DMD: variants seen among roughly 807,000 people sequenced by gnomAD.
The protein encoded by DMD is dystrophin.
DMD carries 63 observed loss-of-function variants against 330.1 expected under a neutral mutation model. The ratio of observed to expected loss-of-function variants is 0.19; its 90% CI spans 0.16 to 0.24. The LOEUF (loss-of-function observed/expected upper bound fraction) is 0.24, where lower values mean the gene tolerates loss of function less well. Ranked by LOEUF, DMD falls within the 10% of genes least tolerant of loss-of-function variation. The probability of loss-of-function intolerance (pLI) is 1.00; values close to 1 mark genes in which losing one functional copy is unlikely to be tolerated. For missense variants in DMD, 3,344 were observed against 2,684.1 expected, an observed-to-expected ratio of 1.25 and a Z score of -5.43; for synonymous variants, 1,223 against 959.8, an observed-to-expected ratio of 1.27 and a Z score of -5.07.
At chrX:33,093,743 C>A (rs932554925) in intron 1 of DMD, among the ~76,000 whole-genome samples, 8 of 110,834 alleles carry the variant, frequency 7.2e-5, no homozygotes, top group Non-Finnish European at 1.5e-4. Flanking sequence ...TTATCTAGAA[C>A]CAAACTTTTA....
At chrX:31,335,943 G>A (rs140116324) in intron 61 of DMD, among the ~76,000 whole-genome samples, 1,623 of 112,198 alleles carry the variant, frequency 0.014, 10 homozygotes, top group Middle Eastern at 0.042. Flanking sequence ...CAACCCCATG[G>A]GAGCTCTTGA....
intron 7 of DMD, among the ~76,000 whole-genome samples, chrX:32,715,322 C>A (rs1377571506): frequency 9.2e-6 from 1 of 108,948 alleles, no homozygotes; most frequent in Non-Finnish European, 1.9e-5. Context: ...ACTAAAAATT[C>A]AAAAATTAGT....
intron 44 of DMD, among the ~76,000 whole-genome samples, chrX:32,069,557 G>T (rs1361589887): frequency 8.9e-6 from 1 of 111,758 alleles, no homozygotes; most frequent in Admixed American, 9.5e-5. Flanking sequence ...GGTTTTGAAT[G>T]CTTTTCTATA....
intron 30 of DMD, among the ~76,000 whole-genome samples, chrX:32,394,924 A>C (rs867496311): frequency 9.2e-5 from 8 of 86,705 alleles, no homozygotes; most frequent in Middle Eastern, 5.6e-3. Context: ...AACAAAAAAA[A>C]AAAAAAAAAG....
chrX:32,917,908 ACT>A (rs200738290), intron 2 of DMD, among the ~76,000 whole-genome samples: 1,355 of 109,110 alleles, frequency 0.012, 23 homozygotes, highest in African/African-American at 0.043. Flanking sequence ...TTTCTGAATG[ACT>A]CTGAAAAATG....
At chrX:32,049,448 A>C (rs1603623259) in intron 44 of DMD, among the ~76,000 whole-genome samples, 1 of 111,460 alleles carries the variant, frequency 9.0e-6, no homozygotes, top group East Asian at 2.8e-4. Context: ...TACTAAATGG[A>C]AATGGTTTGA....
chrX:31,625,705 C>T (rs1043777974), intron 55 of DMD, among the ~76,000 whole-genome samples: 1 of 111,225 alleles, frequency 9.0e-6, no homozygotes, highest in African/African-American at 3.3e-5. Context: ...GATTCAGAAG[C>T]TTGCAGTTTC....
intron 5 of DMD, among the ~76,000 whole-genome samples, chrX:32,819,028 C>G (rs1397202545): frequency 2.4e-5 from 1 of 42,425 alleles, no homozygotes; most frequent in African/African-American, 1.3e-4. Flanking sequence ...TTTTTTTTTC[C>G]AGGGCATGGC....
chrX:32,728,789 T>A (rs2067189755), intron 7 of DMD, among the ~76,000 whole-genome samples: 1 of 112,272 alleles, frequency 8.9e-6, no homozygotes. Flanking sequence ...TTGGATTTAT[T>A]CTTATCTTTC....
chrX:31,813,003 G>A (rs775688124), intron 50 of DMD, among the ~76,000 whole-genome samples: 4 of 112,192 alleles, frequency 3.6e-5, no homozygotes, highest in Non-Finnish European at 7.5e-5. Context: ...TAGAAGAGAA[G>A]ATAGAGCTGC....
At position 31,968,438 on chromosome X, in the gene DMD, T is replaced by A. The variant is rs1241248793; in HGVS notation, c.6515A>T (p.Gln2172Leu). 8.3e-7 allele frequency: 1 copy of A among 1,209,338 alleles called. No homozygotes were observed. The highest frequency in any genetic ancestry group is 1.7e-5 in the African/African-American group (1 of 57,151). ...LNATGEEIIQQSSKTDASILQ... is the reference protein window; with the variant it reads ...LNATGEEIIQLSSKTDASILQ... ...AATACTGGCATCTGTTTTTGAGGATTGCTGAATTATTTCTTCCCCAGTTGC... is the reference window on the plus strand; with the variant it reads ...AATACTGGCATCTGTTTTTGAGGATAGCTGAATTATTTCTTCCCCAGTTGC... Residue 2172 changes from glutamine to leucine, a missense_variant, in exon 45 of 79, where the codon CAA (glutamine) becomes CTA (leucine). Coordinates refer to ENST00000357033, the MANE Select transcript of DMD (RefSeq NM_004006.3).
At chrX:33,000,312 C>T (rs1395943040) in intron 2 of DMD, among the ~76,000 whole-genome samples, 1 of 111,530 alleles carries the variant, frequency 9.0e-6, no homozygotes, top group Non-Finnish European at 1.9e-5. Flanking sequence ...ATAGTACATC[C>T]TTCTCTATTT....
chrX:32,079,956 T>C lies in DMD; in HGVS notation c.6439-111442A>G, dbSNP rs776039317. ...ACCTGACATGATGAATAAAAACTTATAGGGTTTAAGGATTAAAAAATTTCC... is the reference window on the plus strand; with the variant it reads ...ACCTGACATGATGAATAAAAACTTACAGGGTTTAAGGATTAAAAAATTTCC... On this transcript the variant is annotated intron_variant, in intron 44 of 78. Coordinates refer to ENST00000357033, the MANE Select transcript of DMD (RefSeq NM_004006.3). Among the ~76,000 whole-genome samples, 5 of 112,250 alleles carry C rather than the reference T, an allele frequency of 4.5e-5. No individual in the cohort carries two copies. The East Asian group carries it at 1.1e-3, about 25-fold the overall frequency.
chrX:32,160,936 G>A (rs2096847273), intron 44 of DMD, among the ~76,000 whole-genome samples: 1 of 111,629 alleles, frequency 9.0e-6, no homozygotes, highest in African/African-American at 3.3e-5. Context: ...TTTGGTGACT[G>A]AAAAGGAAAA....
At chrX:31,849,898 AT>A (rs1420877313) in intron 48 of DMD, among the ~76,000 whole-genome samples, 1 of 111,027 alleles carries the variant, frequency 9.0e-6, no homozygotes, top group Non-Finnish European at 1.9e-5. Flanking sequence ...CATTCACTTA[AT>A]TTTTTTTAAC....
chrX:31,486,202 G>T (rs1215012356), intron 57 of DMD, among the ~76,000 whole-genome samples: 1 of 112,549 alleles, frequency 8.9e-6, no homozygotes, highest in Non-Finnish European at 1.9e-5. Context: ...TATTATCGAT[G>T]CTTAAAAACC....
upstream of DMD, among the ~76,000 whole-genome samples, chrX:33,213,366 G>A (rs2051988031): frequency 8.9e-6 from 1 of 111,796 alleles, no homozygotes; most frequent in African/African-American, 3.3e-5. Flanking sequence ...TGTGTGGAAT[G>A]CATATACTTC....
intron 52 of DMD, among the ~76,000 whole-genome samples, chrX:31,690,207 T>C (rs1209119481): frequency 1.8e-5 from 2 of 111,818 alleles, no homozygotes; most frequent in African/African-American, 6.5e-5. Flanking sequence ...AGAAAATTTT[T>C]GCAATCTACT....
chrX:31,350,622 TGTGTGTGTGTGAGAGAGA>T (rs1426956513), intron 60 of DMD, among the ~76,000 whole-genome samples: 2 of 48,014 alleles, frequency 4.2e-5, no homozygotes, highest in African/African-American at 1.7e-4. Flanking sequence ...TGTGTGTGTG[TGTGTGTGTGTGAGAGAGA>T]GAGAGAGAGA....
Sources: allele counts gnomAD v4.1 joint callset (sites outside exome capture counted in the v4.1 genomes callset), GRCh38; gene constraint gnomAD v4.1.1; transcripts MANE v1.5; gene names NCBI Gene and HGNC (gene_info 2026-07-23, HGNC 2026-07-21).